Variants in KHK observed in about 807,000 individuals in gnomAD.
The protein encoded by KHK is ketohexokinase, also known as fructokinase.
In KHK, 37 loss-of-function variants were observed where a neutral mutation model predicts 36.0. The observed-to-expected ratio is 1.03, with a 90% CI of 0.79 to 1.35. The LOEUF (loss-of-function observed/expected upper bound fraction) is 1.35, where lower values mean the gene tolerates loss of function less well. KHK is among the 40% of genes most tolerant of loss of function. The pLI, the probability that KHK is intolerant of heterozygous loss-of-function variation, is 0.00. For synonymous variants in KHK, 161 were observed against 162.8 expected, an observed-to-expected ratio of 0.99 and a Z score of 0.08; for missense variants, 395 against 391.9, an observed-to-expected ratio of 1.01 and a Z score of -0.07.
chr2:27,089,124 G>GTT (rs1333401000), intron 1 of KHK, among the ~76,000 whole-genome samples: 1 of 152,236 alleles, frequency 6.6e-6, no homozygotes, highest in Non-Finnish European at 1.5e-5. Flanking sequence ...AGGCCACGGA[G>GTT]TTAAATGGTG....
chr2:27,093,584 G>C (rs567894346), intron 2 of KHK, among the ~76,000 whole-genome samples: 1 of 152,358 alleles, frequency 6.6e-6, no homozygotes, highest in Admixed American at 6.5e-5. Flanking sequence ...TGTAAGTCAA[G>C]GGATGATGCC....
Position 27,087,354 on chromosome 2 carries a change from A to C in KHK, c.92+3A>C, listed in dbSNP as rs760360053. 3 of 1,576,508 alleles carry C rather than the reference A, an allele frequency of 1.9e-6. No individual in the cohort carries two copies. The African/African-American group carries it at 4.0e-5, about 21-fold the overall frequency. On this transcript the variant is annotated splice_donor_region_variant and intron_variant, in intron 1 of 7. Coordinates refer to ENST00000260598, the MANE Select transcript of KHK (RefSeq NM_006488.3). ...CCTAAGGAGGACTCGGAGATAAGGT[A>C]GGGGCGCCCAGGTCCCCTAGGGGAC... is the stretch of plus-strand genomic sequence containing the variant.
intron 1 of KHK, among the ~76,000 whole-genome samples, chr2:27,090,742 T>G (rs1368489159): frequency 6.6e-6 from 1 of 151,302 alleles, no homozygotes; most frequent in Non-Finnish European, 1.5e-5. Context: ...CGTGAGCCAC[T>G]GCGCCCGGCC....
chr2:27,087,037 G>C lies in KHK; in HGVS notation c.-223G>C. 1 of 476,718 alleles carries C rather than the reference G, an allele frequency of 2.1e-6. No individual in the cohort carries two copies. Among genetic ancestry groups the C allele is most frequent in the Non-Finnish European group, 3.8e-6 (1 of 264,382 alleles). 29.5% of individuals were successfully genotyped at this position (476,718 alleles called of 1,614,324 possible). A position where few individuals can be genotyped will look rare whatever the true frequency, so the allele number is the denominator to read the frequency against. ...ACCGGGGACCAAGACCTCTGGGTTGGCTTTCCTAGACCCGCTCGGGTCTTC... is the reference window on the plus strand; with the variant it reads ...ACCGGGGACCAAGACCTCTGGGTTGCCTTTCCTAGACCCGCTCGGGTCTTC... On this transcript the variant is annotated 5_prime_UTR_variant, in exon 1 of 8. Coordinates refer to ENST00000260598, the MANE Select transcript of KHK (RefSeq NM_006488.3).
Position 27,100,729 on chromosome 2 carries a change from T to C in KHK, c.*979T>C, listed in dbSNP as rs1670772941. On this transcript the variant is annotated 3_prime_UTR_variant, in exon 8 of 8. Coordinates refer to ENST00000260598, the MANE Select transcript of KHK (RefSeq NM_006488.3). ...CAGAATTATTGTGAGGATAAAATCA[T>C]ATATAAAATGCCCAGCATGATGCCT... is the stretch of plus-strand genomic sequence containing the variant. 2.3e-5 allele frequency: 26 copies of C among 1,133,054 alleles called. No homozygotes were observed. The South Asian group carries it at 4.0e-4, about 18-fold the overall frequency. 70.2% of individuals were successfully genotyped at this position (1,133,054 alleles called of 1,614,324 possible).
intron 2 of KHK, chr2:27,094,336 A>C: frequency 1.0e-6 from 1 of 978,612 alleles, no homozygotes; most frequent in Non-Finnish European, 1.6e-6. Context: ...GCCTGTGGCA[A>C]GACTGTGATT....
chr2:27,100,408 G>A lies in KHK; in HGVS notation c.*658G>A. On this transcript the variant is annotated 3_prime_UTR_variant, in exon 8 of 8. Transcript: ENST00000260598. ...CCAGAGCCTGAAAGTCTCACCCTTG[G>A]AGCCCACCTTGGAATTAAGGGCGTG... is the stretch of plus-strand genomic sequence containing the variant. 7.8e-7 allele frequency: 1 copy of A among 1,288,790 alleles called. No homozygotes were observed. The highest frequency in any genetic ancestry group is 1.0e-6 in the Non-Finnish European group (1 of 986,920). 79.8% of individuals were successfully genotyped at this position (1,288,790 alleles called of 1,614,324 possible).
chr2:27,099,185 A>G lies in KHK; in HGVS notation c.565-11A>G, dbSNP rs369082742. 3.1e-6 allele frequency: 5 copies of G among 1,613,896 alleles called. 1 individual carries two copies. The highest frequency in any genetic ancestry group is 2.7e-5 in the African/African-American group (2 of 74,922). On this transcript the variant is annotated splice_polypyrimidine_tract_variant and intron_variant, in intron 5 of 7. Transcript: ENST00000260598. The stretch of plus-strand genomic sequence containing the variant: ...AGAAGTGACCACCAGCTTCTCTTCC[A>G]CTGCCCACAGGTGTTTGTCAGCAAA...
At chr2:27,099,334 G>C (rs764666583) in intron 6 of KHK, 50 bp downstream of exon 6, 51 of 1,612,630 alleles carry the variant, frequency 3.2e-5, no homozygotes, top group Non-Finnish European at 4.1e-5. Flanking sequence ...GGATGAGCCT[G>C]GACTCCAGGA....
At chr2:27,087,799 A>G (rs1279255570) in intron 1 of KHK, 1 of 154,452 alleles carries the variant, frequency 6.5e-6, no homozygotes, top group African/African-American at 2.4e-5. Flanking sequence ...TTTCTGAGAA[A>G]GATTTGAGGT....
chr2:27,094,290 G>A, intron 2 of KHK: 1 of 706,822 alleles, frequency 1.4e-6, no homozygotes, highest in Non-Finnish European at 2.5e-6. Flanking sequence ...CTGAGCTCCA[G>A]GCTCTGCACT....
chr2:27,099,246 G>T lies in KHK; in HGVS notation c.615G>T (p.Glu205Asp). Residue 205 changes from glutamate (E) to aspartate (D), a missense_variant, in exon 6 of 8, where the codon GAG becomes GAT. Physicochemically the swap from Glu to Asp is conservative, Grantham distance 45 (BLOSUM62 2). Transcript: ENST00000260598. ...VAKHLGFQSA[E>D]EALRGLYGRV... is the part of the protein sequence containing the mutation. ...AGCACTTGGGGTTCCAGTCAGCAGAGGAAGCCTTGAGGGGCTTGTATGGTC... is the reference window on the plus strand; with the variant it reads ...AGCACTTGGGGTTCCAGTCAGCAGATGAAGCCTTGAGGGGCTTGTATGGTC... 6.2e-7 allele frequency: 1 copy of T among 1,614,184 alleles called. No homozygotes were observed. The highest frequency in any genetic ancestry group is 1.1e-5 in the South Asian group (1 of 91,072).
Position 27,100,163 on chromosome 2 carries a change from T to G in KHK, c.*413T>G. On this transcript the variant is annotated 3_prime_UTR_variant, in exon 8 of 8. Coordinates refer to ENST00000260598, the MANE Select transcript of KHK (RefSeq NM_006488.3). ...TGCCCTGGCTGGGGAGGACACTCGGTGCCCCACACCCAGTGAACCTGCCAA... is the reference window on the plus strand; with the variant it reads ...TGCCCTGGCTGGGGAGGACACTCGGGGCCCCACACCCAGTGAACCTGCCAA... 4.1e-6 allele frequency: 2 copies of G among 485,872 alleles called. No homozygotes were observed. The highest frequency in any genetic ancestry group is 7.5e-6 in the Non-Finnish European group (2 of 265,548). 30.1% of individuals were successfully genotyped at this position (485,872 alleles called of 1,614,324 possible).
At chr2:27,091,646 G>A (rs1670010073) in intron 1 of KHK, among the ~76,000 whole-genome samples, 1 of 152,180 alleles carries the variant, frequency 6.6e-6, no homozygotes, top group South Asian at 2.1e-4. Flanking sequence ...CAGTAACACT[G>A]TGAGGGGATC....
rs1670643254 is a variant in KHK at position 27,099,426 on chromosome 2, G to T, written c.660G>T (p.Val220=). 1.9e-6 allele frequency: 3 copies of T among 1,613,918 alleles called. No homozygotes were observed. Among genetic ancestry groups the T allele is most frequent in the Non-Finnish European group, 1.7e-6 (2 of 1,179,860 alleles). The change falls in exon 7 of 8, where the codon GTG becomes GTT. Residue 220 remains valine (V), a synonymous_variant. Transcript: ENST00000260598. ...GLYGRVRKGA[V]LVCAWAEEGA... ...GAGTGGAGCCGTCTTGCAGGGCTGTGCTTGTCTGTGCCTGGGCTGAGGAGG... is the reference window on the plus strand; with the variant it reads ...GAGTGGAGCCGTCTTGCAGGGCTGTTCTTGTCTGTGCCTGGGCTGAGGAGG...
intron 1 of KHK, chr2:27,088,099 C>CTTTTTTTTT (rs1157197145): frequency 1.3e-5 from 1 of 74,570 alleles, no homozygotes; most frequent in Non-Finnish European, 2.6e-5. Context: ...GTTGTTGGTT[C>CTTTTTTTTT]TTTTTTTTTT....
rs1197934603 is a variant in KHK, at chr2:27,100,579, A to G, written c.*829A>G. 2.7e-5 allele frequency: 35 copies of G among 1,275,468 alleles called. No homozygotes were observed. The highest frequency in any genetic ancestry group is 3.6e-5 in the Non-Finnish European group (35 of 975,262). The allele number at this position is 1,275,468 out of a possible 1,614,324, so 79.0% of individuals were successfully genotyped here. ...AAGAGCATATAATGTAAAGGGCTTT[A>G]GAGTGAGACAGACCTGGATTAAAAT... is the stretch of plus-strand genomic sequence containing the variant. On this transcript the variant is annotated 3_prime_UTR_variant, in exon 8 of 8. Coordinates refer to ENST00000260598, the MANE Select transcript of KHK (RefSeq NM_006488.3).
At position 27,095,422 on chromosome 2, in the gene KHK, C is replaced by T. The variant is rs1193186031; in HGVS notation, c.344+488C>T. ...GTTTGGGTGTGTAAAAGAGATCAGCCCCCCAAAGTTTCCAGCATGATGAAG... is the reference window on the plus strand; with the variant it reads ...GTTTGGGTGTGTAAAAGAGATCAGCTCCCCAAAGTTTCCAGCATGATGAAG... On this transcript the variant is annotated intron_variant, in intron 3 of 7. Transcript: ENST00000260598. Among the ~76,000 whole-genome samples, 7 of 152,208 alleles carry T rather than the reference C, an allele frequency of 4.6e-5. No individual in the cohort carries two copies. The South Asian group carries it at 1.5e-3, about 32-fold the overall frequency.
chr2:27,092,410 T>C lies in KHK; in HGVS notation c.171T>C (p.Cys57=). The change falls in exon 2 of 8, where the codon TGT becomes TGC. Residue 57 remains cysteine (C), a synonymous_variant. Coordinates refer to ENST00000260598, the MANE Select transcript of KHK (RefSeq NM_006488.3). ...TTCTCTCCCTGCTCGGAGCCCCCTG[T>C]GCCTTCATGGGCTCAATGGCTCCTG... ...CTVLSLLGAP[C]AFMGSMAPGH... 6.2e-7 allele frequency: 1 copy of C among 1,613,560 alleles called. No homozygotes were observed. The highest frequency in any genetic ancestry group is 8.5e-7 in the Non-Finnish European group (1 of 1,179,950).
Sources: allele counts gnomAD v4.1 joint callset (sites outside exome capture counted in the v4.1 genomes callset), GRCh38; gene constraint gnomAD v4.1.1; transcripts MANE v1.5; gene names NCBI Gene and HGNC (gene_info 2026-07-23, HGNC 2026-07-21).